FBLN7: variants seen among roughly 807,000 people sequenced by gnomAD.
The protein encoded by FBLN7 is fibulin 7.
A neutral mutation model predicts 44.0 loss-of-function variants in FBLN7; 31 were observed. The observed-to-expected ratio is 0.70, with a 90% CI of 0.53 to 0.95. FBLN7 has a LOEUF of 0.95. Among genes scored for constraint, FBLN7 ranks in the 40% least tolerant of loss-of-function variants. The pLI, the probability that FBLN7 is intolerant of heterozygous loss-of-function variation, is 0.00. For synonymous variants in FBLN7, 262 were observed against 253.4 expected, an observed-to-expected ratio of 1.03 and a Z score of -0.32; for missense variants, 573 against 618.5, an observed-to-expected ratio of 0.93 and a Z score of 0.78.
intron 1 of FBLN7, chr2:112,151,426 T>G (rs1681155077): frequency 6.6e-6 from 1 of 152,144 alleles, no homozygotes; most frequent in Non-Finnish European, 1.5e-5. Flanking sequence ...TCCTGTCACA[T>G]CTCCCCTCCC....
At chr2:112,218,394 T>C in the FBLN7 span, among the ~76,000 whole-genome samples, 3 of 152,176 alleles carry the variant, frequency 2.0e-5, no homozygotes, top group Non-Finnish European at 4.4e-5. Context: ...TTGAGTATGG[T>C]GCATTCCTAT....
the FBLN7 span, among the ~76,000 whole-genome samples, chr2:112,196,227 C>A: frequency 1.3e-5 from 2 of 152,162 alleles, no homozygotes; most frequent in Non-Finnish European, 2.9e-5. Flanking sequence ...ACTATCCTGA[C>A]TGACTCAGGG....
the FBLN7 span, chr2:112,232,042 G>T: frequency 3.0e-6 from 2 of 668,942 alleles, no homozygotes; most frequent in Non-Finnish European, 4.5e-6. Context: ...AGACCTCTGT[G>T]GCCGGGCGAG....
At chr2:112,159,072 G>T (rs570947804) in intron 1 of FBLN7, among the ~76,000 whole-genome samples, 2 of 152,166 alleles carry the variant, frequency 1.3e-5, no homozygotes, top group Non-Finnish European at 2.9e-5. Context: ...GCTGCTTTAA[G>T]TTAGGTAGCC....
At chr2:112,177,204 G>A (rs1201070460) in intron 4 of FBLN7, 1 of 152,308 alleles carries the variant, frequency 6.6e-6, no homozygotes, top group African/African-American at 2.4e-5. Context: ...CAAAAGTGCT[G>A]GGATTACAGG....
the FBLN7 span, among the ~76,000 whole-genome samples, chr2:112,232,427 A>G: frequency 1.3e-5 from 2 of 152,128 alleles, no homozygotes; most frequent in African/African-American, 2.4e-5. Context: ...TTTTAGAAGG[A>G]CTACATACGT....
chr2:112,155,845 A>G (rs557897059), intron 1 of FBLN7, among the ~76,000 whole-genome samples: 94 of 152,162 alleles, frequency 6.2e-4, no homozygotes, highest in Middle Eastern at 3.4e-3. Flanking sequence ...CCCTCCACAC[A>G]CACTCCCCTG....
chr2:112,197,290 G>C, the FBLN7 span, among the ~76,000 whole-genome samples: 2,054 of 149,544 alleles, frequency 0.014, 37 homozygotes, highest in African/African-American at 0.047. Context: ...GAGAGAGAGA[G>C]AGAGAGAGAG....
chr2:112,224,229 A>C, the FBLN7 span, among the ~76,000 whole-genome samples: 4 of 152,214 alleles, frequency 2.6e-5, no homozygotes, highest in African/African-American at 9.6e-5. Context: ...TCAGGAACGT[A>C]AGGGTGGTTT....
At chr2:112,163,593 A>G (rs1359103850) in intron 2 of FBLN7, among the ~76,000 whole-genome samples, 1 of 152,168 alleles carries the variant, frequency 6.6e-6, no homozygotes, top group Non-Finnish European at 1.5e-5. Context: ...GTCCTTCGGG[A>G]AATCTTCACA....
the FBLN7 span, among the ~76,000 whole-genome samples, chr2:112,205,884 T>C: frequency 1.3e-4 from 20 of 152,340 alleles, 1 homozygote; most frequent in African/African-American, 4.8e-4. Flanking sequence ...ATGGGAGTTA[T>C]ATTAAATCTA....
At chr2:112,203,118 G>A in the FBLN7 span, among the ~76,000 whole-genome samples, 37 of 152,230 alleles carry the variant, frequency 2.4e-4, no homozygotes, top group Admixed American at 2.4e-3. Context: ...ACATCCCTGG[G>A]AATCTAGAAA....
chr2:112,206,455 T>C, the FBLN7 span, among the ~76,000 whole-genome samples: 1 of 152,210 alleles, frequency 6.6e-6, no homozygotes, highest in African/African-American at 2.4e-5. Flanking sequence ...TTGCTTTGGA[T>C]TTATTTGGCT....
chr2:112,172,418 A>G (rs1408994001), intron 3 of FBLN7, among the ~76,000 whole-genome samples: 2 of 152,160 alleles, frequency 1.3e-5, no homozygotes, highest in South Asian at 2.1e-4. Context: ...TAAAACACCT[A>G]TCTCACATTT....
chr2:112,242,754 G>GA, the FBLN7 span, among the ~76,000 whole-genome samples: 4 of 152,060 alleles, frequency 2.6e-5, no homozygotes, highest in African/African-American at 7.2e-5. Context: ...GAGAGTAACA[G>GA]AAAAATTAGA....
the FBLN7 span, among the ~76,000 whole-genome samples, chr2:112,203,057 CAAAA>C: frequency 3.9e-5 from 6 of 152,018 alleles, no homozygotes; most frequent in Non-Finnish European, 8.8e-5. Flanking sequence ...AACAAAAAAA[CAAAA>C]AAACTGGGAA....
chr2:112,162,278 G>A (rs1191168969), intron 2 of FBLN7, among the ~76,000 whole-genome samples: 1 of 151,466 alleles, frequency 6.6e-6, no homozygotes, highest in African/African-American at 2.4e-5. Flanking sequence ...GCAAAGTGCT[G>A]GGATTACAGG....
At chr2:112,157,098 G>A (rs974440922) in intron 1 of FBLN7, among the ~76,000 whole-genome samples, 4 of 152,150 alleles carry the variant, frequency 2.6e-5, no homozygotes, top group Middle Eastern at 3.2e-3. Flanking sequence ...GACTGGGTGC[G>A]GTGGCTCACA....
chr2:112,201,434 T>A, the FBLN7 span, among the ~76,000 whole-genome samples: 1 of 152,216 alleles, frequency 6.6e-6, no homozygotes, highest in South Asian at 2.1e-4. Context: ...TGTTCCAGGG[T>A]ACCCTGTTCC....
Sources: gnomAD v4.1 joint callset for allele counts (sites outside exome capture counted in the v4.1 genomes callset) on GRCh38, gnomAD v4.1.1 for gene constraint, MANE v1.5 for transcripts, NCBI Gene and HGNC (gene_info 2026-07-23, HGNC 2026-07-21) for gene names.